IGF2BP2: variants seen among roughly 807,000 people sequenced by gnomAD.
The protein encoded by IGF2BP2 is insulin like growth factor 2 mRNA binding protein 2.
In IGF2BP2, 17 loss-of-function variants were observed where a neutral mutation model predicts 75.8. The observed-to-expected ratio is 0.22, with a 90% CI of 0.15 to 0.34. The LOEUF is 0.34. IGF2BP2 is among the 10% of genes least tolerant of loss of function. The pLI is 1.00. For missense variants in IGF2BP2, 516 were observed against 772.4 expected (o/e 0.67, Z 3.93); for synonymous variants, 288 against 295.6 (o/e 0.97, Z 0.26).
chr3:185,781,991 A>G (rs187458524), intron 2 of IGF2BP2, among the ~76,000 whole-genome samples: 3 of 152,180 alleles, frequency 2.0e-5, no homozygotes, highest in African/African-American at 7.2e-5. Flanking sequence ...CAGAATATAT[A>G]TATTGTTTAA....
intron 14 of IGF2BP2, among the ~76,000 whole-genome samples, chr3:185,649,050 T>C (rs1374672782): frequency 6.6e-6 from 1 of 151,292 alleles, no homozygotes; most frequent in Non-Finnish European, 1.5e-5. Context: ...GGCTGCTACA[T>C]GTGGGTATAA....
intron 2 of IGF2BP2, among the ~76,000 whole-genome samples, chr3:185,730,364 C>A (rs1163109496): frequency 6.6e-6 from 1 of 151,824 alleles, no homozygotes; most frequent in Non-Finnish European, 1.5e-5. Flanking sequence ...TGATGGGCAC[C>A]CAGGTTGATT....
intron 2 of IGF2BP2, among the ~76,000 whole-genome samples, chr3:185,699,476 C>G (rs532385833): frequency 1.3e-5 from 2 of 152,168 alleles, no homozygotes; most frequent in Non-Finnish European, 2.9e-5. Flanking sequence ...ATAGGTACTA[C>G]AGTCCTAATT....
intron 2 of IGF2BP2, among the ~76,000 whole-genome samples, chr3:185,730,785 CA>C (rs1728057773): frequency 6.6e-6 from 1 of 152,074 alleles, no homozygotes; most frequent in Non-Finnish European, 1.5e-5. Flanking sequence ...TTTAGTTCTT[CA>C]AGAAATCTCC....
At position 185,643,779 on chromosome 3, in the gene IGF2BP2, C is replaced by CTTTTT. The variant is rs933340628; in HGVS notation, c.*1747_*1751dup. On this transcript the variant is annotated 3_prime_UTR_variant, in exon 16 of 16. Transcript: ENST00000382199. ...ATATTTCTGTTTTTTCTTTTTTTTT[C>CTTTTT]TTTTTTTTTTTTTTTTTTTTGTCAC... The CTTTTT allele has an allele frequency of 3.2e-4, 36 of 111,970 alleles. No homozygotes were observed. Among genetic ancestry groups the CTTTTT allele is most frequent in the East Asian group, 5.2e-4 (2 of 3,880 alleles). 6.9% of individuals were successfully genotyped at this position (111,970 alleles called of 1,614,324 possible).
At chr3:185,774,328 G>A (rs1734255387) in intron 2 of IGF2BP2, among the ~76,000 whole-genome samples, 1 of 152,178 alleles carries the variant, frequency 6.6e-6, no homozygotes. Flanking sequence ...GGGCATGGTG[G>A]TTCCCGCCTG....
intron 2 of IGF2BP2, among the ~76,000 whole-genome samples, chr3:185,800,761 G>C (rs1173094257): frequency 8.7e-6 from 1 of 115,438 alleles, no homozygotes; most frequent in African/African-American, 3.4e-5. Context: ...GAATACCTGG[G>C]AGTAAATGAT....
chr3:185,662,115 C>T (rs1234950443), intron 10 of IGF2BP2, among the ~76,000 whole-genome samples: 1 of 152,110 alleles, frequency 6.6e-6, no homozygotes, highest in South Asian at 2.1e-4. Context: ...TCAGTGAGGT[C>T]ACAGGAATGA....
chr3:185,714,658 G>A (rs1725326929), intron 2 of IGF2BP2, among the ~76,000 whole-genome samples: 1 of 152,102 alleles, frequency 6.6e-6, no homozygotes, highest in South Asian at 2.1e-4. Context: ...ATATATTAAA[G>A]AACCTATGGT....
chr3:185,648,875 A>G (rs1868216), intron 14 of IGF2BP2, among the ~76,000 whole-genome samples: 10,080 of 152,206 alleles, frequency 0.066, 1,091 homozygotes, highest in African/African-American at 0.23. Flanking sequence ...CAGCCAGAAG[A>G]TAGAGCCTGT....
chr3:185,681,410 C>T (rs1034793927), intron 7 of IGF2BP2, among the ~76,000 whole-genome samples: 5 of 152,102 alleles, frequency 3.3e-5, no homozygotes, highest in Admixed American at 6.5e-5. Flanking sequence ...CTGAAAACCA[C>T]AAAAGGTTCC....
In IGF2BP2 at chr3:185,647,513, A is replaced by G. The variant is rs1713794319; in HGVS notation, c.1594-375T>C. 6.7e-6 allele frequency among the ~76,000 whole-genome samples: 1 copy of G among 150,086 alleles called. No individual in the cohort carries two copies. Among genetic ancestry groups the G allele is most frequent in the African/African-American group, 2.5e-5 (1 of 40,648 alleles). The stretch of plus-strand genomic sequence containing the variant: ...CCCTGTAAGATCATTCCTCCTGGAC[A>G]TGCTGTCCTGGGTGCTGACCACGAG... On this transcript the variant is annotated intron_variant, in intron 14 of 15. Coordinates refer to ENST00000382199, the MANE Select transcript of IGF2BP2 (RefSeq NM_006548.6). This position sits in a 1 kb window ranked among gnomAD's most constrained non-coding sequence, Gnocchi z 4.9.
Position 185,689,426 on chromosome 3 carries a change from G to C in IGF2BP2, c.606C>G (p.Thr202=), listed in dbSNP as rs771670912. The C allele has an allele frequency of 1.2e-6, 2 of 1,614,072 alleles. No homozygotes were observed. Among genetic ancestry groups the C allele is most frequent in the South Asian group, 2.2e-5 (2 of 91,078 alleles). The part of the protein sequence containing the change: ...IDFPLRILVP[T]QFVGAIIGKE... ...TTCCGATGATGGCACCAACAAACTG[G>C]GTGGGGACCAGGATCCGCAGCGGGA... is the stretch of plus-strand genomic sequence containing the variant. Residue 202 remains threonine (T), a synonymous_variant, in exon 6 of 16, where the codon ACC becomes ACG. Transcript: ENST00000382199.
chr3:185,670,643 A>G (rs1718368011), intron 10 of IGF2BP2, among the ~76,000 whole-genome samples: 1 of 152,162 alleles, frequency 6.6e-6, no homozygotes, highest in Admixed American at 6.5e-5. Flanking sequence ...ATCTCAGCTC[A>G]CCGTAACCTC....
At chr3:185,801,582 T>C (rs1384394884) in intron 2 of IGF2BP2, among the ~76,000 whole-genome samples, 4 of 151,624 alleles carry the variant, frequency 2.6e-5, no homozygotes, top group Non-Finnish European at 4.4e-5. Flanking sequence ...GAGTGCAAAT[T>C]AGTTCAACTA....
At chr3:185,763,739 T>C (rs1471558520) in intron 2 of IGF2BP2, among the ~76,000 whole-genome samples, 1 of 152,186 alleles carries the variant, frequency 6.6e-6, no homozygotes, top group Non-Finnish European at 1.5e-5. Flanking sequence ...AACAAAGACA[T>C]ATATCAAAAT....
chr3:185,713,412 T>TGG lies in IGF2BP2; in HGVS notation c.240-15067_240-15066dup, dbSNP rs781605027. ...GGCACATTTATTGGAAAAGCAGCAG[T>TGG]GGGCGGCTTGGTTTAATGGCAACAC... On this transcript the variant is annotated intron_variant, in intron 2 of 15. Transcript: ENST00000382199. 3 of 519,994 alleles carry TGG rather than the reference T, an allele frequency of 5.8e-6. No individual in the cohort carries two copies. In the East Asian group the frequency reaches 1.6e-4, roughly 28 times the overall value. The allele number at this position is 519,994 out of a possible 1,614,324, so 32.2% of individuals were successfully genotyped here.
At chr3:185,733,819 C>T (rs937611829) in intron 2 of IGF2BP2, among the ~76,000 whole-genome samples, 1 of 151,928 alleles carries the variant, frequency 6.6e-6, no homozygotes, top group African/African-American at 2.4e-5. Context: ...GCAACAAGCA[C>T]ATTAAAAACA....
intron 2 of IGF2BP2, among the ~76,000 whole-genome samples, chr3:185,763,179 C>T (rs1732607347): frequency 6.6e-6 from 1 of 152,146 alleles, no homozygotes; most frequent in Non-Finnish European, 1.5e-5. Context: ...GTGATTCCAA[C>T]ATAAACCTGG....
Sources: gnomAD v4.1 joint callset for allele counts (sites outside exome capture counted in the v4.1 genomes callset) on GRCh38, gnomAD v4.1.1 for gene constraint, Gnocchi (gnomAD v3.1) non-coding constraint, MANE v1.5 for transcripts, NCBI Gene and HGNC (gene_info 2026-07-23, HGNC 2026-07-21) for gene names.